The following STK10 variants were observed in gnomAD, a reference collection of about 807,000 sequenced individuals.
The protein encoded by STK10 is serine/threonine-protein kinase 10.
STK10 carries 78 observed loss-of-function variants against 113.8 expected under a neutral mutation model. That is an observed-to-expected ratio of 0.69 (90% CI 0.57 to 0.83). The LOEUF is 0.83. Ranked by LOEUF, STK10 falls within the 40% of genes least tolerant of loss-of-function variation. The probability of loss-of-function intolerance (pLI) is 0.00; values close to 1 mark genes in which losing one functional copy is unlikely to be tolerated. For synonymous variants in STK10, 465 were observed against 494.7 expected, an observed-to-expected ratio of 0.94 and a Z score of 0.80; for missense variants, 1,109 against 1,280.1, an observed-to-expected ratio of 0.87 and a Z score of 2.04.
chr5:172,073,926 C>T (rs1768253964), intron 12 of STK10, among the ~76,000 whole-genome samples: 1 of 151,196 alleles, frequency 6.6e-6, no homozygotes. Context: ...GATCACGCCA[C>T]TACACTCCAG....
intron 14 of STK10, among the ~76,000 whole-genome samples, chr5:172,057,959 C>A (rs561806615): frequency 6.6e-6 from 1 of 152,286 alleles, no homozygotes; most frequent in South Asian, 2.1e-4. Context: ...GACAGAATGG[C>A]CTCTTGTCAC....
intron 15 of STK10, chr5:172,056,991 G>GAAAGAAAGAA (rs1767806652): frequency 1.2e-5 from 1 of 82,654 alleles, no homozygotes; most frequent in Non-Finnish European, 2.3e-5. Context: ...AAGAAAGAAA[G>GAAAGAAAGAA]AAAGAGAAAG....
chr5:172,092,005 GCC>G (rs1768721507), intron 9 of STK10, among the ~76,000 whole-genome samples: 2 of 141,572 alleles, frequency 1.4e-5, no homozygotes, highest in African/African-American at 6.0e-5. Context: ...TGAGGTCTGG[GCC>G]CCTGTCTCCT....
At chr5:172,060,684 C>T (rs1323888372) in intron 14 of STK10, among the ~76,000 whole-genome samples, 1 of 152,188 alleles carries the variant, frequency 6.6e-6, no homozygotes, top group Non-Finnish European at 1.5e-5. Flanking sequence ...AACTAAGATA[C>T]TTGGCCAAAG....
chr5:172,158,223 C>T (rs1193474751), intron 1 of STK10, among the ~76,000 whole-genome samples: 2 of 151,604 alleles, frequency 1.3e-5, no homozygotes, highest in African/African-American at 4.9e-5. Flanking sequence ...GCCAGTTTCT[C>T]GAAAGGTTAA....
rs568461821 is a variant in STK10 at position 172,151,842 on chromosome 5, C to T, written c.321+4782G>A. ...CAGCATGTGCTGCAGACAGTCTAGCCTCGGTTCACGTTACTCTGCCGCTCT... is the reference window on the plus strand; with the variant it reads ...CAGCATGTGCTGCAGACAGTCTAGCTTCGGTTCACGTTACTCTGCCGCTCT... On this transcript the variant is annotated intron_variant, in intron 2 of 18. Coordinates refer to ENST00000176763, the MANE Select transcript of STK10 (RefSeq NM_005990.4). Among the ~76,000 whole-genome samples, 12 of 152,352 alleles carry T rather than the reference C, an allele frequency of 7.9e-5. No homozygotes were observed. The East Asian group carries it at 2.1e-3, about 27-fold the overall frequency.
At chr5:172,100,584 C>A (rs898210651) in intron 7 of STK10, among the ~76,000 whole-genome samples, 1 of 151,978 alleles carries the variant, frequency 6.6e-6, no homozygotes, top group African/African-American at 2.4e-5. Flanking sequence ...GTCAGGAGTT[C>A]GAGACCACCC....
At position 172,142,199 on chromosome 5, in the gene STK10, T is replaced by G. The variant is rs531067200; in HGVS notation, c.321+14425A>C. Among the ~76,000 whole-genome samples the G allele has an allele frequency of 6.5e-4, 99 of 152,302 alleles. 1 individual carries two copies. The highest frequency in any genetic ancestry group is 2.4e-3 in the African/African-American group (98 of 41,564). On this transcript the variant is annotated intron_variant, in intron 2 of 18. Transcript: ENST00000176763. ...GTAATTATTTGCCTTTTTGGCCCAGTGTCCACTTAGAGTTGCCGTGGGACT... is the reference window on the plus strand; with the variant it reads ...GTAATTATTTGCCTTTTTGGCCCAGGGTCCACTTAGAGTTGCCGTGGGACT...
chr5:172,148,476 G>C (rs576248757), intron 2 of STK10, among the ~76,000 whole-genome samples: 1 of 152,306 alleles, frequency 6.6e-6, no homozygotes, highest in South Asian at 2.1e-4. Context: ...ATGTGAGATA[G>C]ACAGCCCAGG....
chr5:172,091,684 C>T lies in STK10; in HGVS notation c.1555-1322G>A, dbSNP rs1162073306. On this transcript the variant is annotated intron_variant, in intron 9 of 18. Transcript: ENST00000176763. ...TGGCTGGGATTACAGGCATGCGCCA[C>T]CACGCCCGGCTAATTTTTTAATTTT... Among the ~76,000 whole-genome samples, 3 of 152,180 alleles carry T rather than the reference C, an allele frequency of 2.0e-5. No homozygotes were observed. The East Asian group carries it at 5.8e-4, about 29-fold the overall frequency.
At chr5:172,112,004 G>A (rs11959787) in intron 4 of STK10, among the ~76,000 whole-genome samples, 29,286 of 152,174 alleles carry the variant, frequency 0.19, 3,615 homozygotes, top group African/African-American at 0.35. Context: ...AAAAAGAATG[G>A]AAAATTGGAA....
chr5:172,049,089 C>T (rs990184478), intron 18 of STK10, among the ~76,000 whole-genome samples: 2 of 152,130 alleles, frequency 1.3e-5, no homozygotes, highest in Non-Finnish European at 2.9e-5. Context: ...TTGTGACCCC[C>T]CCATGCTGTT....
chr5:172,112,882 G>A (rs950273304), intron 4 of STK10, among the ~76,000 whole-genome samples: 2 of 150,830 alleles, frequency 1.3e-5, no homozygotes, highest in African/African-American at 4.9e-5. Context: ...AAGCAGCTGG[G>A]ATTACAGGCA....
intron 2 of STK10, among the ~76,000 whole-genome samples, chr5:172,137,693 A>T (rs1299154574): frequency 6.7e-6 from 1 of 150,282 alleles, no homozygotes; most frequent in Non-Finnish European, 1.5e-5. Context: ...ATCCTGGCTA[A>T]CACAGTGAAA....
intron 2 of STK10, among the ~76,000 whole-genome samples, chr5:172,147,337 G>GA (rs112405713): frequency 0.014 from 2,090 of 150,702 alleles, 52 homozygotes; most frequent in African/African-American, 0.048. Flanking sequence ...GACGTGATTG[G>GA]AAAAAAAAGT....
chr5:172,179,078 T>C (rs764893992), intron 1 of STK10, among the ~76,000 whole-genome samples: 24 of 152,326 alleles, frequency 1.6e-4, no homozygotes, highest in Middle Eastern at 6.8e-3. Flanking sequence ...GCCTTGTCCC[T>C]AAAGTCATAG....
chr5:172,176,770 G>A (rs1263230918), intron 1 of STK10, among the ~76,000 whole-genome samples: 2 of 152,222 alleles, frequency 1.3e-5, no homozygotes, highest in African/African-American at 2.4e-5. Flanking sequence ...CCGAGTGTCT[G>A]TGTCCCTACA....
chr5:172,047,442 G>A (rs188944885), intron 18 of STK10, among the ~76,000 whole-genome samples: 1 of 152,346 alleles, frequency 6.6e-6, no homozygotes, highest in Admixed American at 6.5e-5. Flanking sequence ...TTCATTTCCT[G>A]ATTGCAGAAC....
In STK10 at chr5:172,187,020, T is replaced by G. The variant is rs980846606; in HGVS notation, c.156+867A>C. On this transcript the variant is annotated intron_variant, in intron 1 of 18. Coordinates refer to ENST00000176763, the MANE Select transcript of STK10 (RefSeq NM_005990.4). This position sits in a 1 kb window ranked among gnomAD's most constrained non-coding sequence, Gnocchi z 4.6. ...TACACCAATTTAACAAGTGGGCGTCTCCCAGTAAAAATTTTCTTAGGGGAA... is the reference window on the plus strand; with the variant it reads ...TACACCAATTTAACAAGTGGGCGTCGCCCAGTAAAAATTTTCTTAGGGGAA... Among the ~76,000 whole-genome samples, 3 of 152,068 alleles carry G rather than the reference T, an allele frequency of 2.0e-5. No individual in the cohort carries two copies. Among genetic ancestry groups the G allele is most frequent in the African/African-American group, 7.2e-5 (3 of 41,410 alleles).
Sources: allele counts gnomAD v4.1 joint callset (sites outside exome capture counted in the v4.1 genomes callset), GRCh38; gene constraint gnomAD v4.1.1; non-coding constraint Gnocchi (gnomAD v3.1); transcripts MANE v1.5; gene names NCBI Gene and HGNC (gene_info 2026-07-23, HGNC 2026-07-21).